The following ZNF69 variants were observed in gnomAD, a reference collection of about 807,000 sequenced individuals.
ZNF69 encodes the protein zinc finger protein 69.
A neutral mutation model predicts 50.9 loss-of-function variants in ZNF69; 47 were observed. The observed-to-expected ratio is 0.92, with a 90% CI of 0.73 to 1.18. The LOEUF is 1.18. Among genes scored for constraint, ZNF69 ranks in the 50% most tolerant of loss-of-function variants. The pLI is 0.00. For synonymous variants in ZNF69, 216 were observed against 223.1 expected, an observed-to-expected ratio of 0.97 and a Z score of 0.29; for missense variants, 717 against 675.1, an observed-to-expected ratio of 1.06 and a Z score of -0.69.
At chr19:11,937,210 CAT>C in the ZNF69 span, among the ~76,000 whole-genome samples, 16 of 152,278 alleles carry the variant, frequency 1.1e-4, no homozygotes, top group South Asian at 3.1e-3. Flanking sequence ...GTGAGTTTTG[CAT>C]TTTCCATTTA....
chr19:11,966,121 C>T, the ZNF69 span, among the ~76,000 whole-genome samples: 3 of 152,338 alleles, frequency 2.0e-5, no homozygotes, highest in East Asian at 1.9e-4. Flanking sequence ...CTTACCCTTA[C>T]CTTGCGTGGC....
chr19:11,954,655 T>TC, the ZNF69 span, among the ~76,000 whole-genome samples: 2 of 152,110 alleles, frequency 1.3e-5, no homozygotes, highest in African/African-American at 4.8e-5. Flanking sequence ...ACATGACGAT[T>TC]CCCTCTCTCT....
At chr19:11,925,179 A>T in the ZNF69 span, 1 of 1,609,962 alleles carries the variant, frequency 6.2e-7, no homozygotes, top group Non-Finnish European at 8.5e-7. Context: ...TGGTGCCTGT[A>T]CCCAGGCTTC....
chr19:11,946,636 C>T, the ZNF69 span: 1 of 152,354 alleles, frequency 6.6e-6, no homozygotes, highest in African/African-American at 2.4e-5. Context: ...ATCCAGGCTT[C>T]CTTCTGATGG....
At chr19:11,898,346 G>C (rs1387678792) in intron 1 of ZNF69, among the ~76,000 whole-genome samples, 1 of 146,382 alleles carries the variant, frequency 6.8e-6, no homozygotes, top group African/African-American at 2.5e-5. Flanking sequence ...AATCCACAGA[G>C]TTCCCGCAGT....
chr19:11,889,558 C>T (rs888424609), intron 1 of ZNF69, among the ~76,000 whole-genome samples: 2 of 152,174 alleles, frequency 1.3e-5, no homozygotes, highest in African/African-American at 2.4e-5. Context: ...CTCCACCTTC[C>T]GGATTCAAGC....
At chr19:11,923,485 G>A in the ZNF69 span, among the ~76,000 whole-genome samples, 2 of 152,064 alleles carry the variant, frequency 1.3e-5, no homozygotes, top group Admixed American at 6.6e-5. Context: ...CCCGGGCTCC[G>A]GGCCCTAGAG....
At chr19:11,889,304 C>T (rs1977024725) in intron 1 of ZNF69, among the ~76,000 whole-genome samples, 1 of 152,142 alleles carries the variant, frequency 6.6e-6, no homozygotes, top group Non-Finnish European at 1.5e-5. Flanking sequence ...TCTGTTTTTA[C>T]ATGAATGTGC....
the ZNF69 span, among the ~76,000 whole-genome samples, chr19:11,945,176 C>T: frequency 6.6e-6 from 1 of 152,200 alleles, no homozygotes. Flanking sequence ...TCCTTTAACT[C>T]ATGAAAGGCT....
At chr19:11,948,779 G>A in the ZNF69 span, 1 of 1,611,286 alleles carries the variant, frequency 6.2e-7, no homozygotes, top group Non-Finnish European at 8.5e-7. Context: ...CCATATGAAT[G>A]TAAACAATGT....
At chr19:11,889,920 G>T (rs2145206486) in intron 1 of ZNF69, among the ~76,000 whole-genome samples, 1 of 152,294 alleles carries the variant, frequency 6.6e-6, no homozygotes, top group African/African-American at 2.4e-5. Context: ...TTCAAGGAAA[G>T]ATACTGTGCC....
rs2145244814 is a variant in ZNF69, at chr19:11,906,270, G to A, written c.*172G>A. 6.8e-7 allele frequency: 1 copy of A among 1,461,244 alleles called. No homozygotes were observed. Among genetic ancestry groups the A allele is most frequent in the African/African-American group, 1.4e-5 (1 of 70,530 alleles). The allele number at this position is 1,461,244 out of a possible 1,614,324, so 90.5% of individuals were successfully genotyped here. ...TGCATTCTGGATAGCTGAACAAAAG[G>A]CAGCAGAAACTTCTGCAGACTTAAA... On this transcript the variant is annotated 3_prime_UTR_variant, in exon 4 of 4. Transcript: ENST00000429654.
At chr19:11,977,486 A>G in the ZNF69 span, 1 of 1,583,880 alleles carries the variant, frequency 6.3e-7, no homozygotes, top group Non-Finnish European at 8.6e-7. Flanking sequence ...GTATATGATA[A>G]TATGTTGAAG....
chr19:11,921,081 T>C, the ZNF69 span, among the ~76,000 whole-genome samples: 1 of 152,180 alleles, frequency 6.6e-6, no homozygotes, highest in Non-Finnish European at 1.5e-5. Flanking sequence ...CCCTTTCTAA[T>C]AAGTCTATAT....
At chr19:11,921,631 T>C in the ZNF69 span, among the ~76,000 whole-genome samples, 2 of 152,014 alleles carry the variant, frequency 1.3e-5, no homozygotes, top group Non-Finnish European at 2.9e-5. Flanking sequence ...GCCTCCTGAG[T>C]AGCTGGGATT....
At chr19:11,952,568 A>G in the ZNF69 span, among the ~76,000 whole-genome samples, 1 of 152,240 alleles carries the variant, frequency 6.6e-6, no homozygotes, top group Non-Finnish European at 1.5e-5. Flanking sequence ...TAAGGTACCA[A>G]TGAAGCTGCT....
chr19:11,948,009 C>T, the ZNF69 span, among the ~76,000 whole-genome samples: 16 of 152,136 alleles, frequency 1.1e-4, no homozygotes, highest in South Asian at 2.1e-4. Flanking sequence ...GAACTGGACT[C>T]AAAAGAAAAA....
At chr19:11,969,823 T>A in the ZNF69 span, among the ~76,000 whole-genome samples, 1 of 152,334 alleles carries the variant, frequency 6.6e-6, no homozygotes, top group Non-Finnish European at 1.5e-5. Context: ...CCTCCTTTTA[T>A]CTTTCCTAGA....
intron 1 of ZNF69, 100 bp downstream of exon 1, chr19:11,888,086 G>C (rs983655466): frequency 7.5e-6 from 9 of 1,207,036 alleles, no homozygotes; most frequent in Non-Finnish European, 9.4e-6. Context: ...GGGCGACTTT[G>C]GGATCTGGGA....
Sources: allele counts gnomAD v4.1 joint callset (sites outside exome capture counted in the v4.1 genomes callset), GRCh38; gene constraint gnomAD v4.1.1; transcripts MANE v1.5; gene names NCBI Gene and HGNC (gene_info 2026-07-23, HGNC 2026-07-21).